The following C4orf33 variants were observed in gnomAD, a reference collection of about 807,000 sequenced individuals.
C4orf33 encodes UPF0462 protein C4orf33.
C4orf33 carries 20 observed loss-of-function variants against 24.3 expected under a neutral mutation model. The observed-to-expected ratio is 0.82, with a 90% CI of 0.58 to 1.19. The LOEUF is 1.19. Among genes scored for constraint, C4orf33 ranks in the 50% most tolerant of loss-of-function variants. C4orf33 has a pLI of 0.00. For missense variants in C4orf33, 207 were observed against 225.9 expected (o/e 0.92, Z 0.54); for synonymous variants, 67 against 76.4 (o/e 0.88, Z 0.64).
rs1438131853 is a variant in C4orf33, at chr4:129,115,849, A to G, written c.*4058A>G. 1 of 140,120 alleles carries G rather than the reference A, an allele frequency of 7.1e-6. No homozygotes were observed. Among genetic ancestry groups the G allele is most frequent in the Non-Finnish European group, 1.6e-5 (1 of 63,986 alleles). The allele number at this position is 140,120 out of a possible 1,614,324, so 8.7% of individuals were successfully genotyped here. A position where few individuals can be genotyped will look rare whatever the true frequency, so the allele number is the denominator to read the frequency against. ...ATATATAAAATATATATGTTTATAT[A>G]TAACATATATATATAGAGAGAGAGC... On this transcript the variant is annotated 3_prime_UTR_variant, in exon 6 of 6. Transcript: ENST00000425929.
chr4:129,112,631 T>C lies in C4orf33; in HGVS notation c.*840T>C, dbSNP rs1160219078. On this transcript the variant is annotated 3_prime_UTR_variant, in exon 6 of 6. Coordinates refer to ENST00000425929, the MANE Select transcript of C4orf33 (RefSeq NM_001099783.2). ...ATTTTACTATATGTAAATTAATTCC[T>C]TAATAAAATACTATTATAAAATAAG... 6.6e-6 allele frequency: 1 copy of C among 152,188 alleles called. No individual in the cohort carries two copies. Among genetic ancestry groups the C allele is most frequent in the African/African-American group, 2.4e-5 (1 of 41,458 alleles). 9.4% of individuals were successfully genotyped at this position (152,188 alleles called of 1,614,324 possible). A position where few individuals can be genotyped will look rare whatever the true frequency, so the allele number is the denominator to read the frequency against.
intron 1 of C4orf33, among the ~76,000 whole-genome samples, chr4:129,101,885 T>C (rs747995112): frequency 2.6e-5 from 4 of 152,174 alleles, no homozygotes; most frequent in Non-Finnish European, 5.9e-5. Context: ...CAAGCAGTCA[T>C]TTAACAGTTA....
chr4:129,097,318 C>T (rs568187887), intron 1 of C4orf33, among the ~76,000 whole-genome samples: 1 of 152,330 alleles, frequency 6.6e-6, no homozygotes, highest in Admixed American at 6.5e-5. Context: ...AAGCCTTCCT[C>T]CTTCCCATAT....
At chr4:129,100,403 C>G (rs565141882) in intron 1 of C4orf33, among the ~76,000 whole-genome samples, 1 of 150,998 alleles carries the variant, frequency 6.6e-6, no homozygotes, top group South Asian at 2.1e-4. Context: ...GACACACATT[C>G]TTCTTCTTCC....
At chr4:129,107,542 C>A (rs1458609153) in intron 3 of C4orf33, among the ~76,000 whole-genome samples, 1 of 151,842 alleles carries the variant, frequency 6.6e-6, no homozygotes, top group African/African-American at 2.4e-5. Context: ...CTTTTATTTT[C>A]TTTTATTTTG....
chr4:129,110,765 C>T (rs1753674251), intron 5 of C4orf33, among the ~76,000 whole-genome samples: 1 of 152,060 alleles, frequency 6.6e-6, no homozygotes, highest in East Asian at 1.9e-4. Flanking sequence ...GATATTTTTT[C>T]CCCTTTTCCC....
In C4orf33 at chr4:129,096,167, C is replaced by T. The variant is rs1401731695; in HGVS notation, c.-52C>T. The T allele has an allele frequency of 2.0e-5, 3 of 152,166 alleles. No individual in the cohort carries two copies. Among genetic ancestry groups the T allele is most frequent in the African/African-American group, 7.2e-5 (3 of 41,430 alleles). 9.4% of individuals were successfully genotyped at this position (152,166 alleles called of 1,614,324 possible). A position where few individuals can be genotyped will look rare whatever the true frequency, so the allele number is the denominator to read the frequency against. On this transcript the variant is annotated 5_prime_UTR_variant, in exon 1 of 6. Transcript: ENST00000425929. Reference sequence around the variant, plus strand: ...CTAAAGCCGAGCCCTCTCCTGTGACCTCGGCTGAAAAGAAGAAGCCAGTGT... The same window carrying T: ...CTAAAGCCGAGCCCTCTCCTGTGACTTCGGCTGAAAAGAAGAAGCCAGTGT...
chr4:129,110,358 T>G (rs1387171318), intron 5 of C4orf33, among the ~76,000 whole-genome samples: 1 of 152,210 alleles, frequency 6.6e-6, no homozygotes, highest in Non-Finnish European at 1.5e-5. Flanking sequence ...TGCTATGCTT[T>G]CTCAATTTGA....
rs570347879 is a variant in C4orf33, at chr4:129,113,709, T to C, written c.*1918T>C. On this transcript the variant is annotated 3_prime_UTR_variant, in exon 6 of 6. Coordinates refer to ENST00000425929, the MANE Select transcript of C4orf33 (RefSeq NM_001099783.2). Reference sequence around the variant, plus strand: ...GTGTAAGTCACAGTCTGAAGGGAAATGTGCTTTTTATTTTTGGCTCCAAAC... The same window carrying C: ...GTGTAAGTCACAGTCTGAAGGGAAACGTGCTTTTTATTTTTGGCTCCAAAC... 2 of 152,274 alleles carry C rather than the reference T, an allele frequency of 1.3e-5. No individual in the cohort carries two copies. The highest frequency in any genetic ancestry group is 2.1e-4 in the South Asian group (1 of 4,832). 9.4% of individuals were successfully genotyped at this position (152,274 alleles called of 1,614,324 possible).
rs997266604 is a variant in C4orf33, at chr4:129,115,467, T to C, written c.*3676T>C. The C allele has an allele frequency of 1.5e-4, 23 of 152,260 alleles. No homozygotes were observed. Among genetic ancestry groups the C allele is most frequent in the African/African-American group, 5.5e-4 (23 of 41,552 alleles). The allele number at this position is 152,260 out of a possible 1,614,324, so 9.4% of individuals were successfully genotyped here. A position where few individuals can be genotyped will look rare whatever the true frequency, so the allele number is the denominator to read the frequency against. On this transcript the variant is annotated 3_prime_UTR_variant, in exon 6 of 6. Transcript: ENST00000425929. ...TGCAAACCTGGAAGTTTGAGGGAAT[T>C]GACAATAGGGACAGGATTCAGTGGA...
chr4:129,108,713 T>A (rs1245204507), intron 3 of C4orf33, among the ~76,000 whole-genome samples: 40 of 152,192 alleles, frequency 2.6e-4, no homozygotes, highest in Non-Finnish European at 1.5e-5. Flanking sequence ...ATACTTTGTA[T>A]CATCTAACCA....
Position 129,109,633 on chromosome 4 carries a change from T to A in C4orf33, c.455T>A (p.Val152Glu), listed in dbSNP as rs544444481. The A allele has an allele frequency of 1.2e-6, 2 of 1,613,986 alleles. No homozygotes were observed. The highest frequency in any genetic ancestry group is 2.2e-5 in the South Asian group (2 of 91,078). The change falls in exon 5 of 6, where the codon GTA becomes GAA. Residue 152 changes from valine (V) to glutamate (E), a missense_variant. Transcript: ENST00000425929. ...DKRSYEALYP[V>E]PQHELQQGQK... is the part of the protein sequence containing the mutation. ...CGAAGTTATGAAGCTCTTTACCCTG[T>A]ACCTCAGCATGAACTGCAGCAAGGA...
Position 129,109,651 on chromosome 4 carries a change from A to G in C4orf33, c.473A>G (p.Gln158Arg). Reference protein sequence around the residue: ...ALYPVPQHELQQGQKPDFHCL... With the variant: ...ALYPVPQHELRQGQKPDFHCL... Reference sequence around the variant, plus strand: ...TACCCTGTACCTCAGCATGAACTGCAGCAAGGACAAAAACCTGATTTGTAA... The same window carrying G: ...TACCCTGTACCTCAGCATGAACTGCGGCAAGGACAAAAACCTGATTTGTAA... Residue 158 changes from glutamine (Q) to arginine (R), a missense_variant, in exon 5 of 6, where the codon CAG becomes CGG. Transcript: ENST00000425929. 7 of 1,613,752 alleles carry G rather than the reference A, an allele frequency of 4.3e-6. No homozygotes were observed. Among genetic ancestry groups the G allele is most frequent in the Non-Finnish European group, 5.9e-6 (7 of 1,179,876 alleles).
upstream of C4orf33, among the ~76,000 whole-genome samples, chr4:129,094,209 T>C (rs753744441): frequency 5.3e-5 from 8 of 152,340 alleles, no homozygotes; most frequent in East Asian, 1.9e-4. Context: ...AAAGGTACTT[T>C]TTTTTGCAAA....
At chr4:129,099,841 G>A (rs1038665076) in intron 1 of C4orf33, among the ~76,000 whole-genome samples, 1 of 152,062 alleles carries the variant, frequency 6.6e-6, no homozygotes, top group Non-Finnish European at 1.5e-5. Flanking sequence ...CTACTGGGCA[G>A]GACGGACTAT....
chr4:129,102,907 A>G (rs777850028), intron 2 of C4orf33, 116 bp downstream of exon 2: 2 of 822,956 alleles, frequency 2.4e-6, no homozygotes, highest in Non-Finnish European at 3.7e-6. Flanking sequence ...ATTGACATGT[A>G]CAGTTTCTGA....
intron 2 of C4orf33, chr4:129,103,016 A>AT (rs11383422): frequency 0.49 from 86,283 of 176,000 alleles, 21,912 homozygotes; most frequent in Non-Finnish European, 0.53. Flanking sequence ...ACAAATCCAG[A>AT]TTTTTTTTTT....
intron 1 of C4orf33, chr4:129,102,166 A>G (rs1039946879): frequency 1.3e-5 from 2 of 152,470 alleles, no homozygotes; most frequent in African/African-American, 4.8e-5. Context: ...AGGATGACAT[A>G]AGAACCCATG....
chr4:129,110,158 C>T (rs1022055255), intron 5 of C4orf33: 2 of 247,246 alleles, frequency 8.1e-6, no homozygotes, highest in Non-Finnish European at 1.3e-5. Flanking sequence ...AAAAATGACC[C>T]TTAAGTGGCA....
Sources: gnomAD v4.1 joint callset for allele counts (sites outside exome capture counted in the v4.1 genomes callset) on GRCh38, gnomAD v4.1.1 for gene constraint, MANE v1.5 for transcripts, NCBI Gene and HGNC (gene_info 2026-07-23, HGNC 2026-07-21) for gene names.